Variants in GRM5 observed in about 807,000 individuals in gnomAD.
The protein encoded by GRM5 is metabotropic glutamate receptor 5.
In GRM5, 19 loss-of-function variants were observed where a neutral mutation model predicts 83.1. That is an observed-to-expected ratio of 0.23 (90% CI 0.16 to 0.34). The LOEUF (loss-of-function observed/expected upper bound fraction) is 0.34. Ranked by LOEUF, GRM5 falls within the 10% of genes least tolerant of loss-of-function variation. The pLI is 1.00. For synonymous variants in GRM5, 675 were observed against 633.6 expected, an observed-to-expected ratio of 1.07 and a Z score of -0.98; for missense variants, 1,160 against 1,588.3, an observed-to-expected ratio of 0.73 and a Z score of 4.58.
chr11:88,921,443 G>A (rs1417906803), intron 2 of GRM5, among the ~76,000 whole-genome samples: 1 of 152,084 alleles, frequency 6.6e-6, no homozygotes, highest in Non-Finnish European at 1.5e-5. Context: ...CTAACACGGT[G>A]AAACCCCGTC....
chr11:88,672,175 A>G (rs552652612), intron 3 of GRM5, among the ~76,000 whole-genome samples: 2 of 151,950 alleles, frequency 1.3e-5, no homozygotes, highest in South Asian at 4.1e-4. Context: ...ATTATAGCTA[A>G]CATTAAGTTA....
At chr11:88,747,821 TA>T (rs1371661109) in intron 3 of GRM5, among the ~76,000 whole-genome samples, 1 of 48,608 alleles carries the variant, frequency 2.1e-5, no homozygotes, top group Admixed American at 2.3e-4. Context: ...TGATTTGTGT[TA>T]TTTTTTATTA....
At chr11:88,885,309 A>AATAAT (rs1279828249) in intron 2 of GRM5, among the ~76,000 whole-genome samples, 2 of 151,918 alleles carry the variant, frequency 1.3e-5, no homozygotes, top group East Asian at 3.8e-4. Context: ...CACAAGTGGC[A>AATAAT]ACTCAATAAA....
At chr11:88,923,862 G>A (rs574354814) in intron 2 of GRM5, among the ~76,000 whole-genome samples, 8 of 149,366 alleles carry the variant, frequency 5.4e-5, no homozygotes, top group Middle Eastern at 3.6e-3. Context: ...ATATATATTC[G>A]TATTTATGTG....
chr11:88,887,602 C>T lies in GRM5; in HGVS notation c.662-37447G>A, dbSNP rs189280061. On this transcript the variant is annotated intron_variant, in intron 2 of 9. Coordinates refer to ENST00000305447, the MANE Select transcript of GRM5 (RefSeq NM_001143831.3). ...ATGGGTGGCATGTTCAACAAGGTGC[C>T]GGGACCCAGGAACCATGGAAGGAAT... Among the ~76,000 whole-genome samples, 1,066 of 152,194 alleles carry T rather than the reference C, an allele frequency of 7.0e-3. 8 individuals are homozygous for T. Among genetic ancestry groups the T allele is most frequent in the Non-Finnish European group, 0.012 (820 of 68,012 alleles).
chr11:88,572,017 A>T (rs1943013582), intron 7 of GRM5, among the ~76,000 whole-genome samples: 1 of 152,196 alleles, frequency 6.6e-6, no homozygotes, highest in Non-Finnish European at 1.5e-5. Context: ...AATCAAGAAG[A>T]AAGGCTTTGT....
chr11:88,791,815 G>A (rs902960227), intron 3 of GRM5, among the ~76,000 whole-genome samples: 1 of 152,006 alleles, frequency 6.6e-6, no homozygotes. Context: ...CTAGTTAGAG[G>A]TTTATATTCT....
At position 88,590,626 on chromosome 11, in the gene GRM5, C is replaced by T. The variant is rs753266346; in HGVS notation, c.1665G>A (p.Gly555=). 5 of 1,610,642 alleles carry T rather than the reference C, an allele frequency of 3.1e-6. No individual in the cohort carries two copies. The South Asian group carries it at 5.5e-5, about 18-fold the overall frequency. The change falls in exon 7 of 10, where the codon GGG becomes GGA. Residue 555 remains glycine (G), a synonymous_variant. Coordinates refer to ENST00000305447, the MANE Select transcript of GRM5 (RefSeq NM_001143831.3). ...CTGTGAGATCATCAGTGGGCCAAGA[C>T]CCCAGTTGGCATGCCTTGCATGTGT... ...DEYTCKACQL[G]SWPTDDLTGC...
chr11:88,903,896 T>TA (rs1195989758), intron 2 of GRM5, among the ~76,000 whole-genome samples: 24 of 152,198 alleles, frequency 1.6e-4, no homozygotes, highest in African/African-American at 5.1e-4. Context: ...ATATATTTAT[T>TA]AAAAAAGATG....
intron 2 of GRM5, among the ~76,000 whole-genome samples, chr11:88,907,490 A>G (rs1945425800): frequency 6.6e-6 from 1 of 152,228 alleles, no homozygotes; most frequent in East Asian, 1.9e-4. Flanking sequence ...AAAACAGAGC[A>G]GAGTTTGGAA....
chr11:88,686,071 AG>A (rs1940615123), intron 3 of GRM5, among the ~76,000 whole-genome samples: 1 of 152,026 alleles, frequency 6.6e-6, no homozygotes, highest in African/African-American at 2.4e-5. Flanking sequence ...TCCCTGAAAA[AG>A]CTTCAGACAC....
intron 1 of GRM5, among the ~76,000 whole-genome samples, chr11:89,055,203 A>G (rs771787649): frequency 7.9e-5 from 12 of 152,196 alleles, no homozygotes; most frequent in South Asian, 2.1e-4. Context: ...TTGGAGTCCA[A>G]TGACCTGAAT....
chr11:89,025,969 C>T (rs557252874), intron 2 of GRM5, among the ~76,000 whole-genome samples: 32 of 152,204 alleles, frequency 2.1e-4, no homozygotes, highest in Non-Finnish European at 3.5e-4. Flanking sequence ...TTAAAAAATG[C>T]GGTACATATA....
intron 4 of GRM5, among the ~76,000 whole-genome samples, chr11:88,610,244 A>C (rs1296474366): frequency 6.6e-6 from 1 of 152,134 alleles, no homozygotes; most frequent in African/African-American, 2.4e-5. Context: ...CACATTTCTA[A>C]TTCTGTGAAA....
intron 2 of GRM5, among the ~76,000 whole-genome samples, chr11:88,909,087 C>T (rs558483646): frequency 2.0e-5 from 3 of 152,160 alleles, no homozygotes; most frequent in Admixed American, 6.6e-5. Flanking sequence ...TTTTTCAAAA[C>T]GTTTAATTGG....
intron 3 of GRM5, among the ~76,000 whole-genome samples, chr11:88,834,347 T>C (rs1291547014): frequency 6.6e-6 from 1 of 152,202 alleles, no homozygotes; most frequent in Admixed American, 6.5e-5. Context: ...GATTTTGGCA[T>C]GTACAAAAAG....
chr11:88,870,444 A>G (rs1944744849), intron 2 of GRM5, among the ~76,000 whole-genome samples: 1 of 17,838 alleles, frequency 5.6e-5, no homozygotes, highest in Admixed American at 8.5e-4. Context: ...CAATTGTGAC[A>G]TGACAAGAAC....
At chr11:88,942,081 C>A (rs1938133147) in intron 2 of GRM5, among the ~76,000 whole-genome samples, 1 of 152,074 alleles carries the variant, frequency 6.6e-6, no homozygotes, top group Non-Finnish European at 1.5e-5. Context: ...AAAGACAAAG[C>A]ATAAAACACA....
chr11:88,535,750 G>A (rs1252734448), intron 8 of GRM5, among the ~76,000 whole-genome samples: 1 of 152,116 alleles, frequency 6.6e-6, no homozygotes, highest in Non-Finnish European at 1.5e-5. Flanking sequence ...TAAATACTGT[G>A]TGTGTCTCTC....
Sources: gnomAD v4.1 joint callset for allele counts (sites outside exome capture counted in the v4.1 genomes callset) on GRCh38, gnomAD v4.1.1 for gene constraint, MANE v1.5 for transcripts, NCBI Gene and HGNC (gene_info 2026-07-23, HGNC 2026-07-21) for gene names.